Variants in PSPC1 observed in about 807,000 individuals in gnomAD.
The protein encoded by PSPC1 is paraspeckle component 1.
In PSPC1, 14 loss-of-function variants were observed where a neutral mutation model predicts 51.6. The observed-to-expected ratio is 0.27, with a 90% CI of 0.18 to 0.42. The LOEUF (loss-of-function observed/expected upper bound fraction) is 0.42, where lower values mean the gene tolerates loss of function less well. Ranked by LOEUF, PSPC1 falls within the 10% of genes least tolerant of loss-of-function variation. The probability of loss-of-function intolerance (pLI) is 1.00; values close to 1 mark genes in which losing one functional copy is unlikely to be tolerated. For missense variants in PSPC1, 406 were observed against 701.1 expected (o/e 0.58, Z 4.75); for synonymous variants, 193 against 231.9 (o/e 0.83, Z 1.53).
At chr13:19,760,612 G>A (rs550705579) in intron 2 of PSPC1, among the ~76,000 whole-genome samples, 2 of 152,222 alleles carry the variant, frequency 1.3e-5, no homozygotes, top group East Asian at 1.9e-4. Context: ...TAGAGCTTTG[G>A]GAAGCAGAGG....
downstream of PSPC1, among the ~76,000 whole-genome samples, chr13:19,700,541 G>GA (rs374836381): frequency 6.2e-3 from 940 of 151,688 alleles, 14 homozygotes; most frequent in African/African-American, 0.021. Context: ...CATCTGTCAA[G>GA]AAAAAAAATA....
intron 6 of PSPC1, among the ~76,000 whole-genome samples, chr13:19,695,476 T>TA (rs1266319786): frequency 6.6e-6 from 1 of 152,240 alleles, no homozygotes; most frequent in African/African-American, 2.4e-5. Flanking sequence ...AAGGGCAATG[T>TA]AGCACAATAC....
At chr13:19,723,597 T>A (rs1883032672) in intron 6 of PSPC1, among the ~76,000 whole-genome samples, 1 of 152,198 alleles carries the variant, frequency 6.6e-6, no homozygotes, top group Non-Finnish European at 1.5e-5. Flanking sequence ...TAAATAATCT[T>A]TGGAGGAGTG....
intron 2 of PSPC1, among the ~76,000 whole-genome samples, chr13:19,762,927 G>A (rs989084066): frequency 6.6e-6 from 1 of 152,168 alleles, no homozygotes; most frequent in African/African-American, 2.4e-5. Context: ...CCAACATGGT[G>A]AAACCCCGTC....
intron 3 of PSPC1, among the ~76,000 whole-genome samples, chr13:19,759,012 T>C (rs1286999287): frequency 6.6e-6 from 1 of 152,036 alleles, no homozygotes; most frequent in African/African-American, 2.4e-5. Context: ...TAGCTGGGCA[T>C]GGTGGTGCGT....
chr13:19,726,058 G>A lies in PSPC1; in HGVS notation c.1158+4181C>T, dbSNP rs909091850. Among the ~76,000 whole-genome samples the A allele has an allele frequency of 3.9e-5, 6 of 152,288 alleles. No homozygotes were observed. The South Asian group carries it at 8.3e-4, about 21-fold the overall frequency. On this transcript the variant is annotated intron_variant, in intron 6 of 8. Coordinates refer to ENST00000338910, the MANE Select transcript of PSPC1 (RefSeq NM_001354909.2). Reference sequence around the variant, plus strand: ...CTCTCCCAGCTACTTGGGAGGCTGAGGCAGGAAGATTCACTTAAGCCCAGG... The same window carrying A: ...CTCTCCCAGCTACTTGGGAGGCTGAAGCAGGAAGATTCACTTAAGCCCAGG...
Position 19,744,439 on chromosome 13 carries a change from T to C in PSPC1, c.968-2790A>G, listed in dbSNP as rs545189405. Among the ~76,000 whole-genome samples, 743 of 152,346 alleles carry C rather than the reference T, an allele frequency of 4.9e-3. 8 individuals are homozygous for C. The highest frequency in any genetic ancestry group is 0.017 in the African/African-American group (722 of 41,578). ...TATGTTGACTAAATTATATATTTTTTAAAGTTCCTAATACCCAAAGTTCCT... is the reference window on the plus strand; with the variant it reads ...TATGTTGACTAAATTATATATTTTTCAAAGTTCCTAATACCCAAAGTTCCT... On this transcript the variant is annotated intron_variant, in intron 4 of 8. Coordinates refer to ENST00000338910, the MANE Select transcript of PSPC1 (RefSeq NM_001354909.2).
intron 5 of PSPC1, among the ~76,000 whole-genome samples, chr13:19,732,306 A>G (rs903338385): frequency 5.3e-5 from 8 of 152,222 alleles, no homozygotes; most frequent in South Asian, 2.1e-4. Context: ...ACTGTGAAGA[A>G]AGTACTTCAC....
intron 6 of PSPC1, among the ~76,000 whole-genome samples, chr13:19,683,251 A>T (rs944641037): frequency 6.6e-5 from 10 of 152,152 alleles, no homozygotes; most frequent in Non-Finnish European, 1.5e-4. Context: ...CCCAAAAATA[A>T]AAACTGCCCC....
intron 4 of PSPC1, among the ~76,000 whole-genome samples, chr13:19,744,643 C>T (rs566682482): frequency 4.1e-4 from 62 of 152,116 alleles, no homozygotes; most frequent in African/African-American, 1.1e-3. Context: ...CGGCTCACTG[C>T]AACCTCTGCC....
chr13:19,709,672 A>T, intron 6 of PSPC1, 73 bp from the exon 7 acceptor site: 1 of 1,224,944 alleles, frequency 8.2e-7, no homozygotes, highest in East Asian at 2.4e-5. Flanking sequence ...AAAATCAAAA[A>T]GAAAAGAGTG....
At chr13:19,752,798 G>C (rs1886695582) in intron 3 of PSPC1, among the ~76,000 whole-genome samples, 1 of 151,944 alleles carries the variant, frequency 6.6e-6, no homozygotes, top group Admixed American at 6.6e-5. Context: ...ATGTTGGCCA[G>C]GCTGGTCTTG....
intron 7 of PSPC1, among the ~76,000 whole-genome samples, chr13:19,706,488 A>T (rs1880686677): frequency 6.6e-6 from 1 of 152,176 alleles, no homozygotes; most frequent in African/African-American, 2.4e-5. Flanking sequence ...AACCAAATAC[A>T]GATAAAATAT....
chr13:19,778,324 T>C lies in PSPC1; in HGVS notation c.372+4062A>G, dbSNP rs368909595. On this transcript the variant is annotated intron_variant, in intron 1 of 8. Coordinates refer to ENST00000338910, the MANE Select transcript of PSPC1 (RefSeq NM_001354909.2). ...AAAAATTAATAAAAATACCGTACCA[T>C]GTAATTACAATTTTCTCTACATATT... Among the ~76,000 whole-genome samples, 178 of 149,702 alleles carry C rather than the reference T, an allele frequency of 1.2e-3. 1 individual carries two copies. Among genetic ancestry groups the C allele is most frequent in the African/African-American group, 4.2e-3 (170 of 40,446 alleles).
downstream of PSPC1, chr13:19,702,403 G>A (rs576547685): frequency 2.6e-5 from 4 of 152,186 alleles, no homozygotes; most frequent in African/African-American, 9.6e-5. Context: ...GATAATAATC[G>A]GGTAAGGTCT....
chr13:19,720,136 C>A (rs1270586968), intron 6 of PSPC1, among the ~76,000 whole-genome samples: 1 of 151,932 alleles, frequency 6.6e-6, no homozygotes, highest in Non-Finnish European at 1.5e-5. Flanking sequence ...CCCAGAACTC[C>A]TAAAAAAAAC....
intron 3 of PSPC1, among the ~76,000 whole-genome samples, chr13:19,756,578 C>T (rs1382827141): frequency 6.6e-6 from 1 of 151,882 alleles, no homozygotes; most frequent in Non-Finnish European, 1.5e-5. Flanking sequence ...TGGCTCACCA[C>T]AACCTCCGCC....
At chr13:19,693,052 C>G (rs1458234647) in intron 6 of PSPC1, among the ~76,000 whole-genome samples, 1 of 152,182 alleles carries the variant, frequency 6.6e-6, no homozygotes, top group Non-Finnish European at 1.5e-5. Flanking sequence ...TAACAGTGAT[C>G]AATTATAATC....
At chr13:19,718,395 A>C (rs1030506084) in intron 6 of PSPC1, among the ~76,000 whole-genome samples, 1 of 152,218 alleles carries the variant, frequency 6.6e-6, no homozygotes, top group African/African-American at 2.4e-5. Flanking sequence ...ATAGAATTGC[A>C]AATTACATTG....
Sources: gnomAD v4.1 joint callset for allele counts (sites outside exome capture counted in the v4.1 genomes callset) on GRCh38, gnomAD v4.1.1 for gene constraint, MANE v1.5 for transcripts, NCBI Gene and HGNC (gene_info 2026-07-23, HGNC 2026-07-21) for gene names.